ACAP2: variants seen among roughly 807,000 people sequenced by gnomAD.
The protein encoded by ACAP2 is arf-GAP with coiled-coil, ANK repeat and PH domain-containing protein 2.
In ACAP2, 39 loss-of-function variants were observed where a neutral mutation model predicts 115.8. The ratio of observed to expected loss-of-function variants is 0.34; its 90% CI spans 0.26 to 0.44. The LOEUF is 0.44. Among genes scored for constraint, ACAP2 ranks in the 20% least tolerant of loss-of-function variants. The probability of loss-of-function intolerance (pLI) is 1.00; values close to 1 mark genes in which losing one functional copy is unlikely to be tolerated. For synonymous variants in ACAP2, 289 were observed against 315.8 expected, an observed-to-expected ratio of 0.92 and a Z score of 0.90; for missense variants, 662 against 927.6, an observed-to-expected ratio of 0.71 and a Z score of 3.72.
chr3:195,317,999 C>T (rs1198472897), intron 10 of ACAP2, among the ~76,000 whole-genome samples: 1 of 152,156 alleles, frequency 6.6e-6, no homozygotes, highest in Non-Finnish European at 1.5e-5. Flanking sequence ...GTGACTGGGT[C>T]ATGCAGGCGG....
At chr3:195,354,408 T>C (rs1165452357) in intron 4 of ACAP2, among the ~76,000 whole-genome samples, 1 of 152,210 alleles carries the variant, frequency 6.6e-6, no homozygotes, top group Non-Finnish European at 1.5e-5. Flanking sequence ...CATTGTGGTT[T>C]TGATTTGCAC....
At chr3:195,281,406 A>G (rs1339698745) in intron 22 of ACAP2, among the ~76,000 whole-genome samples, 2 of 151,628 alleles carry the variant, frequency 1.3e-5, no homozygotes, top group Non-Finnish European at 2.9e-5. Flanking sequence ...CTCCGCCTCA[A>G]AAAAAGAAAA....
intron 2 of ACAP2, among the ~76,000 whole-genome samples, chr3:195,386,663 G>C (rs1159676690): frequency 6.6e-6 from 1 of 152,116 alleles, no homozygotes; most frequent in East Asian, 1.9e-4. Flanking sequence ...AGGGGAGGGA[G>C]AGCATTAGGA....
rs139524163 is a variant in ACAP2, at chr3:195,389,328, C to A, written c.111+2762G>T. On this transcript the variant is annotated intron_variant, in intron 2 of 22. Coordinates refer to ENST00000326793, the MANE Select transcript of ACAP2 (RefSeq NM_012287.6). ...GGAAAAAAGAATCCACTCATAACAG[C>A]AAAATAATCAGCAAAAACACTGTCA... is the stretch of plus-strand genomic sequence containing the variant. 8.0e-3 allele frequency among the ~76,000 whole-genome samples: 1,222 copies of A among 152,262 alleles called. 15 individuals carry two copies. The highest frequency in any genetic ancestry group is 0.026 in the African/African-American group (1,073 of 41,552).
At chr3:195,294,904 T>A in intron 17 of ACAP2, 93 bp from the exon 18 acceptor site, 1 of 729,266 alleles carries the variant, frequency 1.4e-6, no homozygotes, top group Non-Finnish European at 2.3e-6. Context: ...CTCTTACACA[T>A]CAACATGAAC....
At chr3:195,426,211 G>A (rs931455955) in intron 1 of ACAP2, among the ~76,000 whole-genome samples, 7 of 152,010 alleles carry the variant, frequency 4.6e-5, no homozygotes, top group African/African-American at 1.7e-4. Flanking sequence ...CTTTCTCCCT[G>A]AGGCTTTAAT....
chr3:195,291,072 A>G (rs75753166), intron 20 of ACAP2, among the ~76,000 whole-genome samples: 3,282 of 152,194 alleles, frequency 0.022, 116 homozygotes, highest in East Asian at 0.1. Flanking sequence ...TTGCTTATCC[A>G]CCACATAATA....
chr3:195,302,356 G>C (rs1044133248), intron 13 of ACAP2, among the ~76,000 whole-genome samples, 182 bp from the exon 14 acceptor site: 1 of 152,202 alleles, frequency 6.6e-6, no homozygotes, highest in Non-Finnish European at 1.5e-5. Context: ...CCATCAGTGA[G>C]CTTTTATTCC....
intron 1 of ACAP2, among the ~76,000 whole-genome samples, chr3:195,427,377 C>T (rs1028870951): frequency 3.3e-5 from 5 of 151,764 alleles, no homozygotes; most frequent in South Asian, 2.1e-4. Flanking sequence ...TTTGCTATAA[C>T]GGCAATAAAA....
At chr3:195,307,406 G>T in intron 11 of ACAP2, 83 bp from the exon 12 acceptor site, 1 of 795,478 alleles carries the variant, frequency 1.3e-6, no homozygotes, top group Non-Finnish European at 2.1e-6. Context: ...AATATTACTT[G>T]GCATAACTGG....
At position 195,351,441 on chromosome 3, in the gene ACAP2, CGTGTGTGTGTGTGTGTGTGTGTGTGT is replaced by C. The variant is rs56049053; in HGVS notation, c.286-6150_286-6125del. On this transcript the variant is annotated intron_variant, in intron 4 of 22. Transcript: ENST00000326793. The stretch of plus-strand genomic sequence containing the variant: ...CAATAAATCCATATTTTTTCTTTTT[CGTGTGTGTGTGTGTGTGTGTGTGTGT>C]GTGTGTGTGTGTGTGTGTGACGGAG... Among the ~76,000 whole-genome samples the C allele has an allele frequency of 2.3e-5, 3 of 130,056 alleles. No individual in the cohort carries two copies. The South Asian group carries it at 8.0e-4, about 35-fold the overall frequency. The allele number at this position is 130,056 out of a possible 152,430, so 85.3% of individuals were successfully genotyped here.
At chr3:195,418,523 C>A (rs1389850815) in intron 1 of ACAP2, among the ~76,000 whole-genome samples, 1 of 152,150 alleles carries the variant, frequency 6.6e-6, no homozygotes, top group African/African-American at 2.4e-5. Context: ...CTCCAAGGCT[C>A]AAGTAATTCT....
intron 22 of ACAP2, among the ~76,000 whole-genome samples, chr3:195,281,866 CATT>C (rs751525414): frequency 6.6e-6 from 1 of 152,074 alleles, no homozygotes; most frequent in Non-Finnish European, 1.5e-5. Context: ...TTATTGTAAA[CATT>C]ATAAATATTT....
intron 10 of ACAP2, among the ~76,000 whole-genome samples, chr3:195,309,179 A>G (rs1728599693): frequency 6.6e-6 from 1 of 152,196 alleles, no homozygotes; most frequent in Admixed American, 6.5e-5. Context: ...CTCAAAAATA[A>G]CTGAACTCTT....
chr3:195,291,973 T>C (rs1466048950), intron 19 of ACAP2, among the ~76,000 whole-genome samples, 158 bp from the exon 20 acceptor site: 1 of 152,252 alleles, frequency 6.6e-6, no homozygotes, highest in Admixed American at 6.5e-5. Flanking sequence ...AGAGAAATTA[T>C]AAATTATATT....
intron 1 of ACAP2, among the ~76,000 whole-genome samples, chr3:195,426,018 GCTTT>G (rs1714659477): frequency 6.6e-6 from 1 of 152,152 alleles, no homozygotes; most frequent in Non-Finnish European, 1.5e-5. Flanking sequence ...ACTGCTAAAA[GCTTT>G]CTAATTGCTT....
chr3:195,396,603 C>A (rs1711793959), intron 1 of ACAP2, among the ~76,000 whole-genome samples: 3 of 151,742 alleles, frequency 2.0e-5, no homozygotes, highest in African/African-American at 7.3e-5. Context: ...GCCTGGCCAA[C>A]ATGGTGAAAA....
chr3:195,317,041 G>A (rs1729140752), intron 10 of ACAP2, among the ~76,000 whole-genome samples: 1 of 150,942 alleles, frequency 6.6e-6, no homozygotes, highest in Non-Finnish European at 1.5e-5. Flanking sequence ...GGGATTATAG[G>A]CATACACCAC....
intron 4 of ACAP2, among the ~76,000 whole-genome samples, chr3:195,356,962 G>A (rs891394007): frequency 2.6e-5 from 4 of 151,792 alleles, no homozygotes; most frequent in African/African-American, 9.7e-5. Context: ...AAAAATAAAG[G>A]GGATTTTGTC....
Sources: gnomAD v4.1 joint callset for allele counts (sites outside exome capture counted in the v4.1 genomes callset) on GRCh38, gnomAD v4.1.1 for gene constraint, MANE v1.5 for transcripts, NCBI Gene and HGNC (gene_info 2026-07-23, HGNC 2026-07-21) for gene names.